The following CACNA2D3 variants were observed in gnomAD, a reference collection of about 807,000 sequenced individuals.
CACNA2D3 encodes the protein calcium voltage-gated channel auxiliary subunit alpha2delta 3, also known as voltage-dependent calcium channel subunit alpha-2/delta-3.
A neutral mutation model predicts 160.6 loss-of-function variants in CACNA2D3; 60 were observed. The ratio of observed to expected loss-of-function variants is 0.37; its 90% CI spans 0.30 to 0.46. CACNA2D3 has a LOEUF of 0.46. Among genes scored for constraint, CACNA2D3 ranks in the 20% least tolerant of loss-of-function variants. The probability of loss-of-function intolerance (pLI) is 1.00; values close to 1 mark genes in which losing one functional copy is unlikely to be tolerated. For synonymous variants in CACNA2D3, 558 were observed against 492.9 expected (o/e 1.13, Z -1.75); for missense variants, 1,205 against 1,365.0 (o/e 0.88, Z 1.85).
intron 3 of CACNA2D3, among the ~76,000 whole-genome samples, chr3:54,320,997 C>G (rs1703976055): frequency 6.6e-6 from 1 of 152,124 alleles, no homozygotes; most frequent in African/African-American, 2.4e-5. Context: ...TATAACTGTT[C>G]CTATATATTT....
In CACNA2D3 at chr3:54,630,069, G is replaced by A. The variant is rs151091758; in HGVS notation, c.1053+2193G>A. Among the ~76,000 whole-genome samples, 328 of 152,180 alleles carry A rather than the reference G, an allele frequency of 2.2e-3. 1 individual carries two copies. Among genetic ancestry groups the A allele is most frequent in the East Asian group, 0.011 (58 of 5,174 alleles). On this transcript the variant is annotated intron_variant, in intron 10 of 37. Transcript: ENST00000474759. ...GGTAGCAAAGCCTTGAACCAAGTGC[G>A]GAGCTTTCTTAGTGTAATCTTGTGC...
chr3:54,136,199 G>C (rs1185710164), intron 2 of CACNA2D3, among the ~76,000 whole-genome samples: 1 of 152,242 alleles, frequency 6.6e-6, no homozygotes, highest in African/African-American at 2.4e-5. Context: ...TTTGGTCCCA[G>C]TGTGTCATCA....
intron 2 of CACNA2D3, among the ~76,000 whole-genome samples, chr3:54,311,911 G>T (rs1198453254): frequency 6.6e-6 from 1 of 152,040 alleles, no homozygotes; most frequent in African/African-American, 2.4e-5. Context: ...TTTATCTCTT[G>T]CACTGTGGCT....
chr3:54,830,395 C>G (rs532583983), intron 14 of CACNA2D3, among the ~76,000 whole-genome samples: 8 of 151,928 alleles, frequency 5.3e-5, no homozygotes, highest in African/African-American at 1.5e-4. Flanking sequence ...TGATAACCGC[C>G]GGTCTTTGCT....
intron 27 of CACNA2D3, among the ~76,000 whole-genome samples, chr3:54,913,736 G>A (rs1198944424): frequency 6.6e-6 from 1 of 152,124 alleles, no homozygotes; most frequent in South Asian, 2.1e-4. Flanking sequence ...CTTCGAACCT[G>A]TCAGGTCCTG....
At chr3:54,510,685 C>G (rs146213807) in intron 5 of CACNA2D3, among the ~76,000 whole-genome samples, 2 of 152,264 alleles carry the variant, frequency 1.3e-5, no homozygotes, top group East Asian at 3.9e-4. Flanking sequence ...GGGCTTGTAT[C>G]CAGTGCTATG....
intron 2 of CACNA2D3, among the ~76,000 whole-genome samples, chr3:54,253,502 C>T (rs1159460269): frequency 1.3e-5 from 2 of 152,062 alleles, no homozygotes; most frequent in African/African-American, 2.4e-5. Flanking sequence ...CTCACTATTG[C>T]GAGAACACCA....
chr3:54,839,432 T>C (rs945309296), intron 16 of CACNA2D3, among the ~76,000 whole-genome samples: 12 of 152,216 alleles, frequency 7.9e-5, no homozygotes, highest in Middle Eastern at 3.4e-3. Context: ...GGCATGAGCA[T>C]GTGCATGCCA....
At chr3:54,682,749 A>C (rs1274414698) in intron 11 of CACNA2D3, among the ~76,000 whole-genome samples, 1 of 152,192 alleles carries the variant, frequency 6.6e-6, no homozygotes, top group Non-Finnish European at 1.5e-5. Flanking sequence ...TCTGGAAAGG[A>C]AGATTAAAAT....
At chr3:54,678,816 G>C (rs1035034801) in intron 11 of CACNA2D3, among the ~76,000 whole-genome samples, 3 of 147,620 alleles carry the variant, frequency 2.0e-5, no homozygotes, top group Non-Finnish European at 4.5e-5. Flanking sequence ...TTTTTCTCAG[G>C]TTTAAAAATT....
At chr3:55,044,297 T>C (rs1704026174) in intron 35 of CACNA2D3, among the ~76,000 whole-genome samples, 1 of 152,204 alleles carries the variant, frequency 6.6e-6, no homozygotes, top group African/African-American at 2.4e-5. Context: ...TATTCTATAG[T>C]TTTCAATATA....
intron 11 of CACNA2D3, among the ~76,000 whole-genome samples, chr3:54,719,146 CAAGTTGCACT>C (rs1433644197): frequency 2.0e-5 from 3 of 147,474 alleles, no homozygotes; most frequent in Non-Finnish European, 4.5e-5. Context: ...TTTTTCTTAC[CAAGTTGCACT>C]GGATTTCTTT....
chr3:55,004,541 A>C (rs560585460), intron 31 of CACNA2D3, among the ~76,000 whole-genome samples: 11 of 152,312 alleles, frequency 7.2e-5, no homozygotes, highest in African/African-American at 2.6e-4. Flanking sequence ...TACCCTTTCC[A>C]ATACCTTCGT....
At chr3:54,514,206 C>G (rs929439936) in intron 5 of CACNA2D3, among the ~76,000 whole-genome samples, 12 of 152,262 alleles carry the variant, frequency 7.9e-5, no homozygotes, top group African/African-American at 2.9e-4. Context: ...ACCAACTGCT[C>G]ACACATAGGG....
At chr3:54,484,494 A>G (rs1347302347) in intron 4 of CACNA2D3, among the ~76,000 whole-genome samples, 7 of 152,216 alleles carry the variant, frequency 4.6e-5, no homozygotes, top group Admixed American at 3.9e-4. Context: ...GGGGATGGAC[A>G]TCATGACCTT....
At chr3:54,860,710 G>A (rs1390456001) in intron 17 of CACNA2D3, among the ~76,000 whole-genome samples, 2 of 152,172 alleles carry the variant, frequency 1.3e-5, no homozygotes, top group African/African-American at 4.8e-5. Flanking sequence ...ACTGGGCAGT[G>A]ATTTCAGCTC....
chr3:54,154,493 C>T lies in CACNA2D3; in HGVS notation c.204+30899C>T, dbSNP rs569884592. On this transcript the variant is annotated intron_variant, in intron 2 of 37. Transcript: ENST00000474759. ...GGCTTTACTAGCACATATGTTAAAACAGTCTTTTCCATGCCGCAAACGCCC... is the reference window on the plus strand; with the variant it reads ...GGCTTTACTAGCACATATGTTAAAATAGTCTTTTCCATGCCGCAAACGCCC... Among the ~76,000 whole-genome samples the T allele has an allele frequency of 1.4e-3, 216 of 152,086 alleles. 2 individuals are homozygous for T. Among genetic ancestry groups the T allele is most frequent in the African/African-American group, 4.9e-3 (204 of 41,510 alleles).
chr3:54,952,855 A>G (rs978988848), intron 27 of CACNA2D3, among the ~76,000 whole-genome samples: 16 of 152,150 alleles, frequency 1.1e-4, no homozygotes, highest in Admixed American at 2.0e-4. Flanking sequence ...TTACAAATTC[A>G]GCAGAGTTGG....
At chr3:54,336,520 G>A (rs1335225660) in intron 3 of CACNA2D3, among the ~76,000 whole-genome samples, 1 of 152,090 alleles carries the variant, frequency 6.6e-6, no homozygotes, top group African/African-American at 2.4e-5. Context: ...GGAGCCCAAG[G>A]GTCACACGCT....
Sources: allele counts gnomAD v4.1 joint callset (sites outside exome capture counted in the v4.1 genomes callset), GRCh38; gene constraint gnomAD v4.1.1; transcripts MANE v1.5; gene names NCBI Gene and HGNC (gene_info 2026-07-23, HGNC 2026-07-21).